PKP2: variants seen among roughly 807,000 people sequenced by gnomAD.
PKP2 encodes plakophilin-2.
Under a neutral mutation model 83.4 loss-of-function variants are expected in PKP2, and 73 were observed. The observed-to-expected ratio is 0.88, with a 90% CI of 0.72 to 1.06. The LOEUF (loss-of-function observed/expected upper bound fraction) is 1.06, where lower values mean the gene tolerates loss of function less well. Among genes scored for constraint, PKP2 ranks in the 50% least tolerant of loss-of-function variants. The probability of loss-of-function intolerance (pLI) is 0.00; values close to 1 mark genes in which losing one functional copy is unlikely to be tolerated. For missense variants in PKP2, 966 were observed against 1,065.4 expected (o/e 0.91, Z 1.30); for synonymous variants, 409 against 430.4 (o/e 0.95, Z 0.62).
At chr12:32,894,861 C>T (rs1280405886) in intron 1 of PKP2, 2 of 152,046 alleles carry the variant, frequency 1.3e-5, no homozygotes, top group South Asian at 2.1e-4. Flanking sequence ...TTAGTCAGAC[C>T]CCTAAGTCTA....
At chr12:32,839,403 A>C (rs1171246158) in intron 6 of PKP2, among the ~76,000 whole-genome samples, 5 of 145,474 alleles carry the variant, frequency 3.4e-5, no homozygotes, top group African/African-American at 5.1e-5. Context: ...GTGGCTAAGC[A>C]AGGGCTGCCT....
chr12:32,851,067 G>T, intron 4 of PKP2, 94 bp from the exon 5 acceptor site: 2 of 989,200 alleles, frequency 2.0e-6, no homozygotes, highest in Non-Finnish European at 3.1e-6. Context: ...TACTGATGCT[G>T]ACTATAACCT....
intron 9 of PKP2, among the ~76,000 whole-genome samples, chr12:32,805,465 C>T (rs1592730871): frequency 6.6e-6 from 1 of 151,940 alleles, no homozygotes; most frequent in Non-Finnish European, 1.5e-5. Context: ...TAATCCATCT[C>T]GAGTTAATTT....
At chr12:32,793,655 G>T (rs1041011930) in intron 11 of PKP2, among the ~76,000 whole-genome samples, 2 of 138,482 alleles carry the variant, frequency 1.4e-5, no homozygotes, top group African/African-American at 5.7e-5. Context: ...GAGTGCAGTG[G>T]AGCGATCTCG....
chr12:32,871,373 A>G lies in PKP2; in HGVS notation c.1035-2311T>C, dbSNP rs555282480. On this transcript the variant is annotated intron_variant, in intron 3 of 12. Transcript: ENST00000340811. ...TGCAGTGATGTGATCATAGCTCACC[A>G]TAACCTCAACCTCCTGGGCTCAAGC... Among the ~76,000 whole-genome samples, 7 of 152,192 alleles carry G rather than the reference A, an allele frequency of 4.6e-5. No homozygotes were observed. The South Asian group carries it at 1.2e-3, about 27-fold the overall frequency.
intron 4 of PKP2, among the ~76,000 whole-genome samples, chr12:32,864,952 T>C (rs528929976): frequency 6.6e-6 from 1 of 152,326 alleles, no homozygotes. Context: ...TGTGGTTGAC[T>C]TGAGTCATAT....
chr12:32,797,560 C>CTTTTTTTTTTTTTT (rs751510872), intron 10 of PKP2, among the ~76,000 whole-genome samples: 1 of 132,740 alleles, frequency 7.5e-6, no homozygotes, highest in Non-Finnish European at 1.6e-5. Flanking sequence ...GAACTAAAAT[C>CTTTTTTTTTTTTTT]TTTTTTTTTT....
At chr12:32,826,001 C>G (rs563186622) in intron 6 of PKP2, among the ~76,000 whole-genome samples, 2 of 152,226 alleles carry the variant, frequency 1.3e-5, no homozygotes, top group African/African-American at 4.8e-5. Context: ...GGTGCCTAAG[C>G]ATTACATCAA....
At position 32,791,353 on chromosome 12, in the gene PKP2, G is replaced by T. The variant is rs1956063884; in HGVS notation, c.*1071C>A. The T allele has an allele frequency of 6.6e-6, 1 of 152,172 alleles. No homozygotes were observed. Among genetic ancestry groups the T allele is most frequent in the Non-Finnish European group, 1.5e-5 (1 of 68,042 alleles). The allele number at this position is 152,172 out of a possible 1,614,324, so 9.4% of individuals were successfully genotyped here. ...TCTTGAGTTAAAATAATGGCTTGAA[G>T]AAGATCATATGAGATCTAGTGGCTC... is the stretch of plus-strand genomic sequence containing the variant. On this transcript the variant is annotated 3_prime_UTR_variant, in exon 13 of 13. Coordinates refer to ENST00000340811, the MANE Select transcript of PKP2 (RefSeq NM_001005242.3).
intron 10 of PKP2, among the ~76,000 whole-genome samples, chr12:32,798,084 GTT>G (rs10623676): frequency 8.1e-6 from 1 of 124,152 alleles, no homozygotes; most frequent in Admixed American, 9.3e-5. Context: ...TACTACTCTT[GTT>G]TTTTTTTTTT....
intron 1 of PKP2, among the ~76,000 whole-genome samples, chr12:32,883,412 C>G (rs1957002687): frequency 6.6e-6 from 1 of 152,076 alleles, no homozygotes; most frequent in African/African-American, 2.4e-5. Flanking sequence ...AAAGTAAATA[C>G]TAATAAGGAT....
At chr12:32,841,448 A>T (rs556918938) in intron 5 of PKP2, among the ~76,000 whole-genome samples, 2 of 152,302 alleles carry the variant, frequency 1.3e-5, no homozygotes, top group East Asian at 3.9e-4. Flanking sequence ...GGTTTAAACT[A>T]ATCAGATATA....
At position 32,792,525 on chromosome 12, in the gene PKP2, A is replaced by G. The variant is rs75017696; in HGVS notation, c.2446-33T>C. On this transcript the variant is annotated intron_variant, in intron 12 of 12. Coordinates refer to ENST00000340811, the MANE Select transcript of PKP2 (RefSeq NM_001005242.3). The stretch of plus-strand genomic sequence containing the variant: ...ATAAGCAAACAGAAACGTGAAAGGT[A>G]ACAAAACTGGCACACAAGAAAATGC... The G allele has an allele frequency of 3.3e-4, 523 of 1,595,834 alleles. 2 individuals carry two copies. In the African/African-American group the frequency reaches 6.2e-3, roughly 19 times the overall value.
intron 6 of PKP2, among the ~76,000 whole-genome samples, chr12:32,829,519 C>T (rs929069621): frequency 9.9e-5 from 15 of 152,016 alleles, no homozygotes; most frequent in East Asian, 9.6e-4. Flanking sequence ...GGATTACAGA[C>T]GTGAGCCACC....
At chr12:32,802,260 C>A in intron 10 of PKP2, 143 bp downstream of exon 10, 1 of 823,698 alleles carries the variant, frequency 1.2e-6, no homozygotes, top group Non-Finnish European at 2.1e-6. Context: ...TATCTGGTGG[C>A]ACAAAAGGCA....
intron 9 of PKP2, among the ~76,000 whole-genome samples, chr12:32,817,354 T>C (rs955943405): frequency 6.6e-6 from 1 of 152,240 alleles, no homozygotes; most frequent in African/African-American, 2.4e-5. Flanking sequence ...GAAACACCAT[T>C]CTGGACATTG....
intron 6 of PKP2, among the ~76,000 whole-genome samples, chr12:32,834,173 T>C (rs1956525318): frequency 6.6e-6 from 1 of 152,208 alleles, no homozygotes; most frequent in Non-Finnish European, 1.5e-5. Context: ...AAATGCATTG[T>C]CATGATCTCT....
chr12:32,892,823 G>GGC (rs1555149546), intron 1 of PKP2, among the ~76,000 whole-genome samples: 1 of 122,262 alleles, frequency 8.2e-6, no homozygotes, highest in Admixed American at 8.0e-5. Context: ...GGGGGCGGGG[G>GGC]GGGGGGGAGA....
intron 6 of PKP2, among the ~76,000 whole-genome samples, chr12:32,833,618 G>T (rs907917310): frequency 6.6e-6 from 1 of 151,994 alleles, no homozygotes; most frequent in Admixed American, 6.6e-5. Flanking sequence ...TTTCTTTTAA[G>T]AATTTAAATA....
Sources: allele counts gnomAD v4.1 joint callset (sites outside exome capture counted in the v4.1 genomes callset), GRCh38; gene constraint gnomAD v4.1.1; transcripts MANE v1.5; gene names NCBI Gene and HGNC (gene_info 2026-07-23, HGNC 2026-07-21).